The following TRAPPC9 variants were observed in gnomAD, a reference collection of about 807,000 sequenced individuals.
TRAPPC9 encodes trafficking protein particle complex subunit 9.
Under a neutral mutation model 124.0 loss-of-function variants are expected in TRAPPC9, and 83 were observed. The observed-to-expected ratio is 0.67, with a 90% CI of 0.56 to 0.80. The LOEUF is 0.80. TRAPPC9 is among the 30% of genes least tolerant of loss of function. The pLI, the probability that TRAPPC9 is intolerant of heterozygous loss-of-function variation, is 0.00. For synonymous variants in TRAPPC9, 638 were observed against 617.5 expected, an observed-to-expected ratio of 1.03 and a Z score of -0.49; for missense variants, 1,302 against 1,508.3, an observed-to-expected ratio of 0.86 and a Z score of 2.27.
chr8:139,933,559 C>T (rs551110869), intron 19 of TRAPPC9: 1 of 152,496 alleles, frequency 6.6e-6, no homozygotes, highest in Admixed American at 6.5e-5. Context: ...CTCCCGCCCA[C>T]CGCGGCCGCT....
chr8:140,116,899 G>A (rs1035793264), intron 17 of TRAPPC9, among the ~76,000 whole-genome samples: 10 of 150,938 alleles, frequency 6.6e-5, no homozygotes, highest in Non-Finnish European at 1.5e-5. Context: ...GTGAGTAGGC[G>A]GAGTTCAGTA....
chr8:140,088,895 C>A (rs1405337590), intron 17 of TRAPPC9, among the ~76,000 whole-genome samples: 2 of 152,146 alleles, frequency 1.3e-5, no homozygotes, highest in Admixed American at 1.3e-4. Flanking sequence ...ATAACTTCTC[C>A]TTCCTGCCAG....
intron 16 of TRAPPC9, among the ~76,000 whole-genome samples, chr8:140,248,025 T>C (rs111989899): frequency 0.016 from 2,367 of 152,328 alleles, 56 homozygotes; most frequent in African/African-American, 0.054. Context: ...TCGCTGCTTA[T>C]GTTTTCACTA....
chr8:140,256,372 C>T (rs904293388), intron 15 of TRAPPC9, among the ~76,000 whole-genome samples: 2 of 152,202 alleles, frequency 1.3e-5, no homozygotes, highest in Non-Finnish European at 2.9e-5. Flanking sequence ...AAAATCACAT[C>T]ATCAATTGGG....
chr8:139,813,963 G>A (rs574979359), intron 21 of TRAPPC9, among the ~76,000 whole-genome samples: 2 of 152,168 alleles, frequency 1.3e-5, no homozygotes, highest in East Asian at 3.9e-4. Flanking sequence ...CCCAGCCCAG[G>A]GGTCGGTGAG....
Position 140,236,855 on chromosome 8 carries a change from A to G in TRAPPC9, c.2432-15272T>C, listed in dbSNP as rs2063742917. Among the ~76,000 whole-genome samples, 2 of 152,206 alleles carry G rather than the reference A, an allele frequency of 1.3e-5. 1 individual carries two copies. The highest frequency in any genetic ancestry group is 4.1e-4 in the South Asian group (2 of 4,832). On this transcript the variant is annotated intron_variant, in intron 16 of 22. Coordinates refer to ENST00000438773, the MANE Select transcript of TRAPPC9 (RefSeq NM_001160372.4). ...ATGCAGTCCCAGTCAATATTCTAAC[A>G]TACTGCTTTGAGGAACTTGACAAAC...
chr8:140,195,547 G>A (rs2062631486), intron 17 of TRAPPC9, among the ~76,000 whole-genome samples: 1 of 151,564 alleles, frequency 6.6e-6, no homozygotes, highest in Non-Finnish European at 1.5e-5. Flanking sequence ...GCTTGCACCT[G>A]TGACACTAAA....
At chr8:139,815,361 T>TCTA (rs956274740) in intron 21 of TRAPPC9, among the ~76,000 whole-genome samples, 1 of 151,866 alleles carries the variant, frequency 6.6e-6, no homozygotes, top group Non-Finnish European at 1.5e-5. Context: ...TCCTTCCATT[T>TCTA]CTAAATCACC....
In TRAPPC9 at chr8:140,087,733, C is replaced by T. The variant is rs747170184; in HGVS notation, c.2557-63654G>A. Among the ~76,000 whole-genome samples the T allele has an allele frequency of 2.0e-5, 3 of 152,174 alleles. No homozygotes were observed. Among genetic ancestry groups the T allele is most frequent in the Non-Finnish European group, 4.4e-5 (3 of 68,038 alleles). ...CCCCACCTCGTCTCCCCTGCCTCTA[C>T]TCGTCCACGTTTCCCTCTCCACCCT... On this transcript the variant is annotated intron_variant, in intron 17 of 22. Coordinates refer to ENST00000438773, the MANE Select transcript of TRAPPC9 (RefSeq NM_001160372.4). This position sits in a 1 kb window ranked among gnomAD's most constrained non-coding sequence, Gnocchi z 4.6.
At chr8:140,205,688 T>C (rs1303046269) in intron 17 of TRAPPC9, among the ~76,000 whole-genome samples, 1 of 152,198 alleles carries the variant, frequency 6.6e-6, no homozygotes, top group African/African-American at 2.4e-5. Context: ...CTCTTAAATG[T>C]AGCTCAGCTG....
chr8:139,796,024 G>A (rs1047582416), intron 21 of TRAPPC9, among the ~76,000 whole-genome samples: 28 of 150,340 alleles, frequency 1.9e-4, no homozygotes, highest in Admixed American at 1.7e-3. Context: ...ATGAGGAGGA[G>A]GAAGAGGAGG....
chr8:140,345,325 A>G (rs1328060252), intron 9 of TRAPPC9, among the ~76,000 whole-genome samples: 2 of 152,204 alleles, frequency 1.3e-5, no homozygotes, highest in Non-Finnish European at 2.9e-5. Context: ...GGCAATGACC[A>G]CAACACAAGG....
intron 21 of TRAPPC9, among the ~76,000 whole-genome samples, chr8:139,803,080 CTTG>C (rs1412408512): frequency 1.3e-5 from 2 of 150,570 alleles, no homozygotes; most frequent in Admixed American, 6.6e-5. Context: ...GTGCTGCGTG[CTTG>C]TTGTGTATGT....
chr8:140,038,455 G>T (rs924698519), intron 17 of TRAPPC9, among the ~76,000 whole-genome samples: 1 of 152,214 alleles, frequency 6.6e-6, no homozygotes, highest in African/African-American at 2.4e-5. Flanking sequence ...GAACAAATAG[G>T]CTATGTCCTG....
At chr8:139,801,159 T>C (rs1823497591) in intron 21 of TRAPPC9, among the ~76,000 whole-genome samples, 1 of 152,166 alleles carries the variant, frequency 6.6e-6, no homozygotes, top group South Asian at 2.1e-4. Flanking sequence ...GTTGATAGGA[T>C]GGGTATCTCC....
At chr8:139,948,562 T>C (rs552816214) in intron 19 of TRAPPC9, among the ~76,000 whole-genome samples, 19 of 152,214 alleles carry the variant, frequency 1.2e-4, no homozygotes, top group African/African-American at 4.3e-4. Flanking sequence ...TCCCTAAGTT[T>C]TGTTCATTAC....
chr8:140,282,386 C>T (rs1385483733), intron 14 of TRAPPC9, among the ~76,000 whole-genome samples: 7 of 151,756 alleles, frequency 4.6e-5, no homozygotes, highest in Admixed American at 4.6e-4. Flanking sequence ...ACCTATAATC[C>T]CAGCTACTCA....
intron 17 of TRAPPC9, among the ~76,000 whole-genome samples, chr8:140,161,425 T>C (rs1057376915): frequency 6.6e-6 from 1 of 151,558 alleles, no homozygotes; most frequent in African/African-American, 2.4e-5. Flanking sequence ...TTTTTTTTTT[T>C]CGCATTTTGG....
intron 4 of TRAPPC9, among the ~76,000 whole-genome samples, chr8:140,431,811 A>C (rs1427341696): frequency 1.3e-5 from 2 of 152,228 alleles, no homozygotes; most frequent in Non-Finnish European, 1.5e-5. Context: ...ACCACCCACT[A>C]GCAAACATGC....
Sources: gnomAD v4.1 joint callset for allele counts (sites outside exome capture counted in the v4.1 genomes callset) on GRCh38, gnomAD v4.1.1 for gene constraint, Gnocchi (gnomAD v3.1) non-coding constraint, MANE v1.5 for transcripts, NCBI Gene and HGNC (gene_info 2026-07-23, HGNC 2026-07-21) for gene names.